CYP4X1: variants seen among roughly 807,000 people sequenced by gnomAD.
CYP4X1 encodes the protein cytochrome P450 family 4 subfamily X member 1.
In CYP4X1, 44 loss-of-function variants were observed where a neutral mutation model predicts 57.9. That is an observed-to-expected ratio of 0.76 (90% confidence interval 0.60 to 0.98). CYP4X1 has a LOEUF of 0.98. Ranked by LOEUF, CYP4X1 falls within the 50% of genes least tolerant of loss-of-function variation. CYP4X1 has a pLI of 0.00. For missense variants in CYP4X1, 532 were observed against 623.9 expected, an observed-to-expected ratio of 0.85 and a Z score of 1.57; for synonymous variants, 227 against 228.6, an observed-to-expected ratio of 0.99 and a Z score of 0.06.
At chr1:46,984,878 G>C in the CYP4X1 span, among the ~76,000 whole-genome samples, 1 of 152,174 alleles carries the variant, frequency 6.6e-6, no homozygotes, top group East Asian at 1.9e-4. Flanking sequence ...CCCCTGGAAA[G>C]GGGGCTAAAG....
At chr1:46,974,766 T>G in the CYP4X1 span, among the ~76,000 whole-genome samples, 1 of 152,194 alleles carries the variant, frequency 6.6e-6, no homozygotes, top group African/African-American at 2.4e-5. Context: ...TGTTCTTTTT[T>G]GTTTTCTATT....
intron 9 of CYP4X1, 94 bp from the exon 10 acceptor site, chr1:47,048,471 T>C (rs1644326128): frequency 3.8e-6 from 5 of 1,328,434 alleles, no homozygotes; most frequent in Non-Finnish European, 5.4e-6. Flanking sequence ...AGGAGCTAGC[T>C]CTTCCCTTCA....
At chr1:46,974,897 A>G in the CYP4X1 span, among the ~76,000 whole-genome samples, 3 of 151,978 alleles carry the variant, frequency 2.0e-5, no homozygotes, top group Non-Finnish European at 2.9e-5. Context: ...TTAAATAAAA[A>G]TTGCCACTCT....
chr1:46,976,950 A>T, the CYP4X1 span, among the ~76,000 whole-genome samples: 1 of 152,160 alleles, frequency 6.6e-6, no homozygotes, highest in African/African-American at 2.4e-5. Context: ...GGACACCCAC[A>T]CCAAAACCCC....
chr1:47,020,669 G>A (rs1643986316), upstream of CYP4X1, among the ~76,000 whole-genome samples: 1 of 152,140 alleles, frequency 6.6e-6, no homozygotes, highest in South Asian at 2.1e-4. Context: ...TGAATCTCTG[G>A]AATCCCACAT....
At chr1:46,967,850 A>T in the CYP4X1 span, 7,674 of 1,211,246 alleles carry the variant, frequency 6.3e-3, 34 homozygotes, top group Middle Eastern at 7.6e-3. Context: ...TTCATGGCAA[A>T]TTTTTTCCCA....
At chr1:47,005,083 C>T in the CYP4X1 span, among the ~76,000 whole-genome samples, 1 of 152,154 alleles carries the variant, frequency 6.6e-6, no homozygotes, top group African/African-American at 2.4e-5. Context: ...ACATCTGATA[C>T]TCTAAGATTG....
Position 47,050,050 on chromosome 1 carries a change from C to T in CYP4X1, c.1406C>T (p.Ala469Val). ...FAMIELKVTI[A>V]LILLHFRVTP... is the part of the protein sequence containing the mutation. Reference sequence around the variant, plus strand: ...ATGATTGAGTTAAAGGTAACCATTGCCTTGATTCTGCTCCACTTCAGAGTG... The same window carrying T: ...ATGATTGAGTTAAAGGTAACCATTGTCTTGATTCTGCTCCACTTCAGAGTG... The change falls in exon 12 of 12, where the codon GCC becomes GTC. Residue 469 changes from alanine (A) to valine (V), a missense_variant. Ala to Val is a moderately conservative substitution (Grantham distance 64). Transcript: ENST00000371901. 1 of 1,614,016 alleles carries T rather than the reference C, an allele frequency of 6.2e-7. No individual in the cohort carries two copies. The highest frequency in any genetic ancestry group is 8.5e-7 in the Non-Finnish European group (1 of 1,180,002).
chr1:47,037,951 A>G (rs1274116054), intron 6 of CYP4X1, among the ~76,000 whole-genome samples: 1 of 152,208 alleles, frequency 6.6e-6, no homozygotes, highest in Non-Finnish European at 1.5e-5. Flanking sequence ...TAACCATCAC[A>G]TTCTAAACGG....
chr1:46,981,458 C>T, the CYP4X1 span, among the ~76,000 whole-genome samples: 55 of 152,156 alleles, frequency 3.6e-4, no homozygotes, highest in Admixed American at 1.5e-3. Flanking sequence ...GTTAGAATGG[C>T]GATCATTAAA....
the CYP4X1 span, among the ~76,000 whole-genome samples, chr1:46,976,795 G>A: frequency 6.6e-6 from 1 of 152,182 alleles, no homozygotes; most frequent in South Asian, 2.1e-4. Flanking sequence ...AATATTTGCT[G>A]CTCTGCAGCC....
the CYP4X1 span, among the ~76,000 whole-genome samples, chr1:47,006,428 A>T: frequency 6.6e-6 from 1 of 152,202 alleles, no homozygotes; most frequent in Admixed American, 6.5e-5. Flanking sequence ...ACTTTGTCTG[A>T]TTCAGAAGTT....
downstream of CYP4X1, among the ~76,000 whole-genome samples, chr1:47,053,156 G>C (rs1424844260): frequency 1.3e-5 from 2 of 152,046 alleles, no homozygotes; most frequent in Non-Finnish European, 2.9e-5. Flanking sequence ...CTATGAGTGA[G>C]AACATGCGGT....
At chr1:47,029,968 A>G in intron 1 of CYP4X1, 22 bp from the exon 2 acceptor site, 2 of 1,612,018 alleles carry the variant, frequency 1.2e-6, no homozygotes, top group Non-Finnish European at 1.7e-6. Context: ...CTGGCTAATT[A>G]CTTTTACTTT....
At chr1:47,010,962 C>T in the CYP4X1 span, among the ~76,000 whole-genome samples, 4 of 152,254 alleles carry the variant, frequency 2.6e-5, no homozygotes, top group East Asian at 1.9e-4. Flanking sequence ...GAATCAATAT[C>T]GTGAAAATGG....
downstream of CYP4X1, among the ~76,000 whole-genome samples, chr1:47,050,957 A>G (rs1268866081): frequency 6.6e-6 from 1 of 152,130 alleles, no homozygotes; most frequent in Non-Finnish European, 1.5e-5. Flanking sequence ...AGCCTACAGA[A>G]TGGGAGAAAA....
the CYP4X1 span, among the ~76,000 whole-genome samples, chr1:47,011,816 C>G: frequency 4.3e-4 from 65 of 152,206 alleles, no homozygotes; most frequent in African/African-American, 1.4e-3. Flanking sequence ...AGATGCTCAT[C>G]ATCACTGGCC....
the CYP4X1 span, among the ~76,000 whole-genome samples, chr1:46,997,580 A>G: frequency 1.3e-5 from 2 of 152,302 alleles, no homozygotes; most frequent in East Asian, 1.9e-4. Flanking sequence ...TGGCGTATAT[A>G]TACTGCATTT....
downstream of CYP4X1, among the ~76,000 whole-genome samples, chr1:47,053,488 G>A (rs192944072): frequency 2.0e-3 from 301 of 152,152 alleles, no homozygotes; most frequent in African/African-American, 6.8e-3. Context: ...CTGAGGAATC[G>A]CCACACTGAC....
Sources: allele counts gnomAD v4.1 joint callset (sites outside exome capture counted in the v4.1 genomes callset), GRCh38; gene constraint gnomAD v4.1.1; transcripts MANE v1.5; gene names NCBI Gene and HGNC (gene_info 2026-07-23, HGNC 2026-07-21).